The following EIF4E3 variants were observed in gnomAD, a reference collection of about 807,000 sequenced individuals.
EIF4E3 encodes the protein eukaryotic translation initiation factor 4E family member 3, also known as eukaryotic translation initiation factor 4E type 3.
Under a neutral mutation model 31.7 loss-of-function variants are expected in EIF4E3, and 26 were observed. That is an observed-to-expected ratio of 0.82 (90% CI 0.60 to 1.14). The LOEUF is 1.14. Among genes scored for constraint, EIF4E3 ranks in the 50% most tolerant of loss-of-function variants. The pLI is 0.00. For missense variants in EIF4E3, 304 were observed against 270.9 expected (o/e 1.12, Z -0.86); for synonymous variants, 128 against 107.7 (o/e 1.19, Z -1.17).
At chr3:71,671,004 T>A (rs922389854), downstream of EIF4E3, among the ~76,000 whole-genome samples, 2 of 152,022 alleles carry the variant, frequency 1.3e-5, no homozygotes, top group African/African-American at 4.8e-5. Context: ...TTTCCTAAGA[T>A]GGGATCTCGG....
chr3:71,734,959 A>G (rs2108141254), intron 1 of EIF4E3, among the ~76,000 whole-genome samples: 1 of 152,322 alleles, frequency 6.6e-6, no homozygotes, highest in Middle Eastern at 3.4e-3. Flanking sequence ...CATGTTAAAA[A>G]GAAAACTGGC....
intron 5 of EIF4E3, among the ~76,000 whole-genome samples, chr3:71,693,418 G>A (rs549226961): frequency 6.6e-6 from 1 of 152,258 alleles, no homozygotes; most frequent in East Asian, 1.9e-4. Flanking sequence ...AAGGGGTTAG[G>A]GGTTGAGAGG....
chr3:71,725,394 C>G lies in EIF4E3; in HGVS notation c.-27G>C. ...TTCTCCGCCCCGCCTGCAAGGCCGGCGGACGCGCGGACCGCGGGGCGAGCG... is the reference window on the plus strand; with the variant it reads ...TTCTCCGCCCCGCCTGCAAGGCCGGGGGACGCGCGGACCGCGGGGCGAGCG... On this transcript the variant is annotated 5_prime_UTR_variant, in exon 1 of 7. Coordinates refer to ENST00000425534, the MANE Select transcript of EIF4E3 (RefSeq NM_001134651.2). The surrounding 1 kb of genome is among the most constrained non-coding windows in gnomAD (Gnocchi z 6.1). 2.0e-6 allele frequency: 2 copies of G among 977,686 alleles called. No homozygotes were observed. The highest frequency in any genetic ancestry group is 2.4e-6 in the Non-Finnish European group (2 of 826,294). The allele number at this position is 977,686 out of a possible 1,614,324, so 60.6% of individuals were successfully genotyped here.
At chr3:71,726,453 C>A (rs376758683), upstream of EIF4E3, among the ~76,000 whole-genome samples, 13 of 152,354 alleles carry the variant, frequency 8.5e-5, no homozygotes, top group African/African-American at 2.9e-4. Context: ...AGGCATGAGG[C>A]CTGTGAACAC....
At chr3:71,728,631 C>T (rs2049667794), upstream of EIF4E3, 1 of 152,730 alleles carries the variant, frequency 6.5e-6, no homozygotes, top group Non-Finnish European at 1.5e-5. Context: ...CCCCTAGCAA[C>T]AAAAACAACA....
Position 71,732,758 on chromosome 3 carries a change from C to T in EIF4E3, c.-290-4135G>A, listed in dbSNP as rs543430123. 1.8e-4 allele frequency among the ~76,000 whole-genome samples: 27 copies of T among 152,326 alleles called. No individual in the cohort carries two copies. The East Asian group carries it at 3.1e-3, about 17-fold the overall frequency. On this transcript the variant is annotated intron_variant, in intron 1 of 7. Transcript: ENST00000295612. The stretch of plus-strand genomic sequence containing the variant: ...TCAGCAATTTTTAAAAGAAAGGAAA[C>T]GATGAGCAGTAGGGAGGCAATGTGA...
chr3:71,741,518 T>A (rs754125941), intron 1 of EIF4E3, among the ~76,000 whole-genome samples: 11 of 152,218 alleles, frequency 7.2e-5, no homozygotes, highest in Non-Finnish European at 1.3e-4. Context: ...CCAAGATACA[T>A]GAAACAAAAA....
At chr3:71,746,704 G>A (rs1460384140) in intron 1 of EIF4E3, among the ~76,000 whole-genome samples, 1 of 152,176 alleles carries the variant, frequency 6.6e-6, no homozygotes, top group Non-Finnish European at 1.5e-5. Context: ...TATCCACAGA[G>A]TTGTGGAACT....
Position 71,676,975 on chromosome 3 carries a change from G to C in EIF4E3, c.*7707C>G, listed in dbSNP as rs1196721063. On this transcript the variant is annotated 3_prime_UTR_variant, in exon 7 of 7. Coordinates refer to ENST00000425534, the MANE Select transcript of EIF4E3 (RefSeq NM_001134651.2). ...AATCCTATATGTGCAAAAAACAAAT[G>C]ATTTAAGTTTCCTGAGTTAAAGAGG... 1 of 152,116 alleles carries C rather than the reference G, an allele frequency of 6.6e-6. No individual in the cohort carries two copies. The highest frequency in any genetic ancestry group is 1.5e-5 in the Non-Finnish European group (1 of 68,028). 9.4% of individuals were successfully genotyped at this position (152,116 alleles called of 1,614,324 possible). A position where few individuals can be genotyped will look rare whatever the true frequency, so the allele number is the denominator to read the frequency against.
At chr3:71,693,027 G>A (rs937363061) in intron 5 of EIF4E3, among the ~76,000 whole-genome samples, 5 of 152,078 alleles carry the variant, frequency 3.3e-5, no homozygotes, top group South Asian at 2.1e-4. Context: ...TCTCAAACAC[G>A]GCCCCATCTA....
At chr3:71,720,910 G>T (rs564492001) in intron 1 of EIF4E3, among the ~76,000 whole-genome samples, 2 of 152,290 alleles carry the variant, frequency 1.3e-5, no homozygotes, top group East Asian at 3.9e-4. Flanking sequence ...ATGAAATATA[G>T]AACTGGATGG....
At chr3:71,751,788 A>G (rs965761707) in intron 1 of EIF4E3, among the ~76,000 whole-genome samples, 2 of 152,222 alleles carry the variant, frequency 1.3e-5, no homozygotes, top group Non-Finnish European at 2.9e-5. Flanking sequence ...GAATGAAGAA[A>G]TGATGGCTGG....
chr3:71,672,935 C>A (rs569726243), downstream of EIF4E3, among the ~76,000 whole-genome samples: 1 of 152,290 alleles, frequency 6.6e-6, no homozygotes, highest in South Asian at 2.1e-4. Flanking sequence ...CTCCACAAGG[C>A]ATGGGGGTGG....
chr3:71,665,636 T>A, the EIF4E3 span, among the ~76,000 whole-genome samples: 1 of 152,134 alleles, frequency 6.6e-6, no homozygotes, highest in African/African-American at 2.4e-5. Context: ...CCACCCCAAA[T>A]CAATAGAATA....
chr3:71,691,994 T>G (rs2049069664), intron 5 of EIF4E3, among the ~76,000 whole-genome samples: 1 of 152,174 alleles, frequency 6.6e-6, no homozygotes, highest in African/African-American at 2.4e-5. Context: ...TCTACCCTAT[T>G]GGTCAAAGCG....
chr3:71,754,689 A>C, upstream of EIF4E3: 2 of 1,496,566 alleles, frequency 1.3e-6, no homozygotes, highest in Non-Finnish European at 1.8e-6. This position sits in a 1 kb window ranked among gnomAD's most constrained non-coding sequence, Gnocchi z 5.8. Context: ...CCGCCGCAAG[A>C]TGCGGCCCGC....
intron 1 of EIF4E3, among the ~76,000 whole-genome samples, chr3:71,748,626 C>A (rs2049896805): frequency 6.6e-6 from 1 of 152,086 alleles, no homozygotes; most frequent in Non-Finnish European, 1.5e-5. Flanking sequence ...CACAAGGCAG[C>A]CAAGAGTCAC....
chr3:71,723,830 G>A (rs1284344048), intron 1 of EIF4E3, among the ~76,000 whole-genome samples: 1 of 152,088 alleles, frequency 6.6e-6, no homozygotes, highest in African/African-American at 2.4e-5. Context: ...ATCCCATAAT[G>A]AAAGTGAAAA....
Position 71,690,173 on chromosome 3 carries a change from G to C in EIF4E3, c.473-8C>G. On this transcript the variant is annotated splice_region_variant and splice_polypyrimidine_tract_variant and intron_variant, in intron 5 of 6. Coordinates refer to ENST00000425534, the MANE Select transcript of EIF4E3 (RefSeq NM_001134651.2). Reference sequence around the variant, plus strand: ...CTCCTATTACTTCATCATCTGAGGGGAAGACAGGAAAAAAAAAAAATGAGT... The same window carrying C: ...CTCCTATTACTTCATCATCTGAGGGCAAGACAGGAAAAAAAAAAAATGAGT... The C allele has an allele frequency of 6.3e-7, 1 of 1,584,034 alleles. No individual in the cohort carries two copies. Among genetic ancestry groups the C allele is most frequent in the Admixed American group, 1.9e-5 (1 of 53,770 alleles).
Sources: allele counts gnomAD v4.1 joint callset (sites outside exome capture counted in the v4.1 genomes callset), GRCh38; gene constraint gnomAD v4.1.1; non-coding constraint Gnocchi (gnomAD v3.1); transcripts MANE v1.5; gene names NCBI Gene and HGNC (gene_info 2026-07-23, HGNC 2026-07-21).